ST8SIA6: variants seen among roughly 807,000 people sequenced by gnomAD.
The protein encoded by ST8SIA6 is ST8 alpha-N-acetyl-neuraminide alpha-2,8-sialyltransferase 6, also known as alpha-2,8-sialyltransferase 8F.
A neutral mutation model predicts 33.6 loss-of-function variants in ST8SIA6; 39 were observed. The observed-to-expected ratio is 1.16, with a 90% CI of 0.90 to 1.52. The LOEUF is 1.52. Among genes scored for constraint, ST8SIA6 ranks in the 40% most tolerant of loss-of-function variants. The pLI is 0.00. For missense variants in ST8SIA6, 441 were observed against 443.8 expected, an observed-to-expected ratio of 0.99 and a Z score of 0.06; for synonymous variants, 172 against 167.2, an observed-to-expected ratio of 1.03 and a Z score of -0.22.
chr10:17,395,245 C>A (rs1034277774), intron 2 of ST8SIA6, among the ~76,000 whole-genome samples: 1 of 152,152 alleles, frequency 6.6e-6, no homozygotes, highest in Non-Finnish European at 1.5e-5. Context: ...ATGTCTTTTT[C>A]TTTATGAATT....
At chr10:17,324,330 A>G (rs143375018) in intron 6 of ST8SIA6, among the ~76,000 whole-genome samples, 310 of 152,252 alleles carry the variant, frequency 2.0e-3, no homozygotes, top group African/African-American at 6.8e-3. Flanking sequence ...CCTCATTGAT[A>G]TAAAAGCTAT....
chr10:17,452,032 T>G (rs1199214399), intron 2 of ST8SIA6, among the ~76,000 whole-genome samples: 1 of 152,212 alleles, frequency 6.6e-6, no homozygotes, highest in Non-Finnish European at 1.5e-5. Context: ...GAGTACATTC[T>G]TTCCAACTTT....
At chr10:17,333,717 ATTTTTT>A (rs71392102) in intron 4 of ST8SIA6, among the ~76,000 whole-genome samples, 39 of 33,746 alleles carry the variant, frequency 1.2e-3, no homozygotes, top group Non-Finnish European at 1.8e-3. Flanking sequence ...ATATATATAT[ATTTTTT>A]TTTTTTTTTT....
chr10:17,382,248 G>T (rs1353217906), intron 3 of ST8SIA6, among the ~76,000 whole-genome samples: 2 of 139,314 alleles, frequency 1.4e-5, no homozygotes, highest in Non-Finnish European at 3.1e-5. Flanking sequence ...AGAAGTTTCA[G>T]TGATAATTTT....
At chr10:17,444,988 A>G (rs1852652592) in intron 2 of ST8SIA6, among the ~76,000 whole-genome samples, 1 of 152,236 alleles carries the variant, frequency 6.6e-6, no homozygotes, top group Non-Finnish European at 1.5e-5. Context: ...CATTACTTCA[A>G]AAAGCAAAGA....
Position 17,405,914 on chromosome 10 carries a change from T to C in ST8SIA6, c.201-15294A>G, listed in dbSNP as rs1851241204. ...AAAAAAAAAAAAAAGAAGAAAGTTA[T>C]TTAGCCCTTCTATGATTTCAGCTTC... On this transcript the variant is annotated intron_variant, in intron 2 of 7. Coordinates refer to ENST00000377602, the MANE Select transcript of ST8SIA6 (RefSeq NM_001004470.3). Among the ~76,000 whole-genome samples, 7 of 151,728 alleles carry C rather than the reference T, an allele frequency of 4.6e-5. No individual in the cohort carries two copies. In the South Asian group the frequency reaches 1.5e-3, roughly 32 times the overall value.
chr10:17,346,329 G>C (rs1848831660), intron 4 of ST8SIA6, among the ~76,000 whole-genome samples: 1 of 152,192 alleles, frequency 6.6e-6, no homozygotes, highest in African/African-American at 2.4e-5. Context: ...TCCCTGGGCT[G>C]GGTGTGCTGG....
At position 17,362,389 on chromosome 10, in the gene ST8SIA6, G is replaced by C. The variant is rs1025892611; in HGVS notation, c.291-2789C>G. Among the ~76,000 whole-genome samples, 2 of 152,050 alleles carry C rather than the reference G, an allele frequency of 1.3e-5. 1 individual carries two copies. The highest frequency in any genetic ancestry group is 4.1e-4 in the South Asian group (2 of 4,822). On this transcript the variant is annotated intron_variant, in intron 3 of 7. Coordinates refer to ENST00000377602, the MANE Select transcript of ST8SIA6 (RefSeq NM_001004470.3). ...ATATTTTCAATGATGCTATAACTAA[G>C]ATAATAAGCATTACATATCAGCCAT...
At chr10:17,378,923 A>G (rs193082908) in intron 3 of ST8SIA6, among the ~76,000 whole-genome samples, 1,594 of 152,166 alleles carry the variant, frequency 0.01, 19 homozygotes, top group African/African-American at 0.034. Context: ...TCAGGAGATC[A>G]AGACCATCCT....
intron 1 of ST8SIA6, 135 bp from the exon 2 acceptor site, chr10:17,453,792 A>G: frequency 1.7e-6 from 1 of 590,118 alleles, no homozygotes; most frequent in Non-Finnish European, 2.5e-6. Context: ...CCAGCCCCAG[A>G]GTTGGAAGAG....
At chr10:17,406,912 A>AGCCTCCC in intron 2 of ST8SIA6, among the ~76,000 whole-genome samples, 1 of 150,680 alleles carries the variant, frequency 6.6e-6, no homozygotes, top group East Asian at 2.0e-4. Flanking sequence ...CTCCCCCATC[A>AGCCTCCC]GCCTCCCAAG....
At chr10:17,406,696 A>G (rs965257685) in intron 2 of ST8SIA6, among the ~76,000 whole-genome samples, 1 of 152,078 alleles carries the variant, frequency 6.6e-6, no homozygotes, top group African/African-American at 2.4e-5. Flanking sequence ...CAGTGTGCCC[A>G]TGAATCACCT....
At chr10:17,425,651 A>C (rs1396313256) in intron 2 of ST8SIA6, among the ~76,000 whole-genome samples, 1 of 149,044 alleles carries the variant, frequency 6.7e-6, no homozygotes, top group African/African-American at 2.5e-5. Flanking sequence ...GAAAGGAGGG[A>C]GGGAGGGAGG....
In ST8SIA6 at chr10:17,390,563, A is replaced by G. The variant is rs746706830; in HGVS notation, c.258T>C (p.Tyr86=). The G allele has an allele frequency of 4.3e-6, 7 of 1,614,006 alleles. No homozygotes were observed. In the Admixed American group the frequency reaches 5.0e-5, roughly 12 times the overall value. ...QLTEKCKNLQ[Y]GIESFSNKTK... is the part of the protein sequence containing the mutation. ...TTTTGTTAGAGAAAGACTCAATGCC[A>G]TATTGCAGATTTTTGCATTTCTCCG... The change falls in exon 3 of 8, where the codon TAT becomes TAC. Residue 86 remains tyrosine (Y), a synonymous_variant. Transcript: ENST00000377602.
intron 6 of ST8SIA6, 72 bp from the exon 7 acceptor site, chr10:17,323,229 G>GCGCTCGCACACA: frequency 1.3e-6 from 1 of 793,956 alleles, no homozygotes; most frequent in Non-Finnish European, 2.1e-6. Context: ...ACATATGCGC[G>GCGCTCGCACACA]CACACACACA....
intron 3 of ST8SIA6, among the ~76,000 whole-genome samples, chr10:17,365,440 C>T (rs1199390202): frequency 6.6e-6 from 1 of 152,026 alleles, no homozygotes; most frequent in Non-Finnish European, 1.5e-5. Context: ...AACCACAGTC[C>T]AAAAATATTA....
intron 3 of ST8SIA6, among the ~76,000 whole-genome samples, chr10:17,360,174 T>A (rs889073644): frequency 2.0e-5 from 3 of 152,156 alleles, no homozygotes; most frequent in African/African-American, 7.2e-5. Flanking sequence ...GATCTCTCCC[T>A]GTCTGAAATT....
intron 2 of ST8SIA6, among the ~76,000 whole-genome samples, chr10:17,405,213 C>A (rs1455685641): frequency 6.6e-6 from 1 of 151,792 alleles, no homozygotes; most frequent in Admixed American, 6.6e-5. Flanking sequence ...TATAAAAAAA[C>A]TTTAAAAAAT....
intron 4 of ST8SIA6, among the ~76,000 whole-genome samples, chr10:17,349,416 A>G (rs920641912): frequency 1.3e-5 from 2 of 152,226 alleles, no homozygotes; most frequent in African/African-American, 4.8e-5. Context: ...GAAAAATGAT[A>G]TTAAACTGGA....
Sources: gnomAD v4.1 joint callset for allele counts (sites outside exome capture counted in the v4.1 genomes callset) on GRCh38, gnomAD v4.1.1 for gene constraint, MANE v1.5 for transcripts, NCBI Gene and HGNC (gene_info 2026-07-23, HGNC 2026-07-21) for gene names.